Variants in NRG1 observed in about 807,000 individuals in gnomAD.
The protein encoded by NRG1 is neuregulin 1, also known as pro-neuregulin-1, membrane-bound isoform.
A neutral mutation model predicts 63.8 loss-of-function variants in NRG1; 18 were observed. The ratio of observed to expected loss-of-function variants is 0.28; its 90% CI spans 0.19 to 0.42. The LOEUF is 0.42. Among genes scored for constraint, NRG1 ranks in the 10% least tolerant of loss-of-function variants. The probability of loss-of-function intolerance (pLI) is 1.00; values close to 1 mark genes in which losing one functional copy is unlikely to be tolerated. For missense variants in NRG1, 762 were observed against 814.7 expected, an observed-to-expected ratio of 0.94 and a Z score of 0.79; for synonymous variants, 302 against 301.3, an observed-to-expected ratio of 1.00 and a Z score of -0.02.
intron 1 of NRG1, among the ~76,000 whole-genome samples, chr8:31,648,124 CTTTTTTTTTTTTTTT>C (rs36074483): frequency 5.9e-5 from 3 of 51,274 alleles, no homozygotes; most frequent in South Asian, 2.2e-3. Context: ...TTTGACTACT[CTTTTTTTTTTTTTTT>C]TTTTTTTTTT....
In NRG1 at chr8:32,048,940, G is replaced by C. The variant is rs538355075; in HGVS notation, c.37+409509G>C. On this transcript the variant is annotated intron_variant, in intron 1 of 10. Transcript: ENST00000519301. ...TTTTAACCGTTTGGGATGGTTTAAGGGAGGCCAAATGGAAAGCCTAAAAAA... is the reference window on the plus strand; with the variant it reads ...TTTTAACCGTTTGGGATGGTTTAAGCGAGGCCAAATGGAAAGCCTAAAAAA... Among the ~76,000 whole-genome samples the C allele has an allele frequency of 7.9e-5, 12 of 152,034 alleles. 1 individual carries two copies. The South Asian group carries it at 2.5e-3, about 32-fold the overall frequency.
At chr8:32,167,289 C>T (rs1378157015) in intron 1 of NRG1, among the ~76,000 whole-genome samples, 6 of 152,134 alleles carry the variant, frequency 3.9e-5, no homozygotes, top group Non-Finnish European at 8.8e-5. Flanking sequence ...GAAGCCACCT[C>T]CTGTTACGTA....
intron 5 of NRG1, among the ~76,000 whole-genome samples, chr8:32,656,792 A>G (rs930643152): frequency 1.3e-5 from 2 of 152,200 alleles, no homozygotes; most frequent in Non-Finnish European, 2.9e-5. Context: ...TTCTGACTGT[A>G]CAATGGAAAT....
intron 5 of NRG1, among the ~76,000 whole-genome samples, chr8:32,708,993 A>G (rs1481388862): frequency 6.6e-6 from 1 of 152,166 alleles, no homozygotes; most frequent in Non-Finnish European, 1.5e-5. Context: ...AAGTAATTTA[A>G]ATTATTGCCT....
intron 1 of NRG1, among the ~76,000 whole-genome samples, chr8:32,396,605 C>T (rs1424301495): frequency 6.6e-6 from 1 of 151,960 alleles, no homozygotes; most frequent in Non-Finnish European, 1.5e-5. Context: ...CCAGCCACCA[C>T]ACCCGGTTCA....
chr8:32,373,609 T>C (rs1809215824), intron 1 of NRG1, among the ~76,000 whole-genome samples: 1 of 152,054 alleles, frequency 6.6e-6, no homozygotes, highest in African/African-American at 2.4e-5. Flanking sequence ...AAACCCTATC[T>C]CTACTAAAAA....
At chr8:32,384,884 A>G (rs2129483566) in intron 1 of NRG1, among the ~76,000 whole-genome samples, 1 of 152,360 alleles carries the variant, frequency 6.6e-6, no homozygotes, top group African/African-American at 2.4e-5. Flanking sequence ...GTTACAGTAG[A>G]TAACAATAGC....
chr8:32,608,407 C>A (rs926276740), intron 3 of NRG1, among the ~76,000 whole-genome samples: 1 of 151,932 alleles, frequency 6.6e-6, no homozygotes, highest in Non-Finnish European at 1.5e-5. Flanking sequence ...CTAGGTTCAA[C>A]TATGTTGCCC....
At chr8:31,791,145 G>C (rs959971023) in intron 1 of NRG1, among the ~76,000 whole-genome samples, 7 of 150,770 alleles carry the variant, frequency 4.6e-5, no homozygotes, top group African/African-American at 1.7e-4. Context: ...GGAGGTGGAG[G>C]TTGCAGTGAG....
Position 32,091,557 on chromosome 8 carries a change from C to G in NRG1, c.37+452126C>G, listed in dbSNP as rs79713068. ...ATTGGTAGCCACACATGCCCACAGG[C>G]TGGTATGCCAGGCTTTGTTTTTCTC... On this transcript the variant is annotated intron_variant, in intron 1 of 10. Coordinates refer to the NRG1 transcript ENST00000519301. 3.1e-3 allele frequency among the ~76,000 whole-genome samples: 479 copies of G among 152,312 alleles called. 3 individuals are homozygous for G. The highest frequency in any genetic ancestry group is 5.7e-3 in the Non-Finnish European group (390 of 68,034).
intron 1 of NRG1, among the ~76,000 whole-genome samples, chr8:32,252,805 T>C (rs1347273044): frequency 1.3e-5 from 2 of 152,236 alleles, no homozygotes; most frequent in Non-Finnish European, 2.9e-5. Flanking sequence ...ATTTTCATGA[T>C]ATTGATTCTT....
intron 1 of NRG1, among the ~76,000 whole-genome samples, chr8:31,803,380 G>A (rs1821976851): frequency 6.6e-6 from 1 of 152,172 alleles, no homozygotes; most frequent in Non-Finnish European, 1.5e-5. Flanking sequence ...CCGACAGAGA[G>A]CTGGTAGTGG....
intron 1 of NRG1, among the ~76,000 whole-genome samples, chr8:31,987,467 T>C (rs1404363829): frequency 1.3e-5 from 2 of 151,688 alleles, no homozygotes; most frequent in Non-Finnish European, 2.9e-5. Context: ...CTGGAGGCCA[T>C]TACCCTCAGT....
At chr8:31,957,735 T>C (rs918318174) in intron 1 of NRG1, among the ~76,000 whole-genome samples, 1 of 152,220 alleles carries the variant, frequency 6.6e-6, no homozygotes, top group African/African-American at 2.4e-5. Context: ...CACATTTGTC[T>C]AGTGGCTCCT....
rs181547406 is a variant in NRG1, at chr8:32,161,649, C to T, written c.38-434179C>T. Among the ~76,000 whole-genome samples, 101 of 151,912 alleles carry T rather than the reference C, an allele frequency of 6.6e-4. 1 individual carries two copies. Among genetic ancestry groups the T allele is most frequent in the South Asian group, 1.3e-3 (6 of 4,794 alleles). Reference sequence around the variant, plus strand: ...CCCTCCCAATCTCAGTGTTTTAATGCAACAAACAGTTGTATCTTGTTGGTA... The same window carrying T: ...CCCTCCCAATCTCAGTGTTTTAATGTAACAAACAGTTGTATCTTGTTGGTA... On this transcript the variant is annotated intron_variant, in intron 1 of 10. Transcript: ENST00000519301.
At chr8:32,534,501 AC>A (rs1242486169) in intron 1 of NRG1, among the ~76,000 whole-genome samples, 1 of 152,190 alleles carries the variant, frequency 6.6e-6, no homozygotes, top group Non-Finnish European at 1.5e-5. Flanking sequence ...TATTAATTTC[AC>A]AGTAACTCCA....
intron 3 of NRG1, among the ~76,000 whole-genome samples, chr8:32,609,996 T>C: frequency 6.6e-6 from 1 of 151,744 alleles, no homozygotes; most frequent in East Asian, 1.9e-4. Context: ...CATTGTGGAT[T>C]CTAGAAAAAA....
intron 1 of NRG1, among the ~76,000 whole-genome samples, chr8:32,006,748 C>A (rs1813841438): frequency 1.3e-5 from 2 of 152,012 alleles, no homozygotes; most frequent in South Asian, 4.1e-4. Flanking sequence ...TGCCAACAAC[C>A]TGAATGATCT....
At chr8:32,040,731 T>TTTAGGCGC (rs1563713224) in intron 1 of NRG1, among the ~76,000 whole-genome samples, 1,187 of 46,474 alleles carry the variant, frequency 0.026, 47 homozygotes, top group Middle Eastern at 0.067. Flanking sequence ...TATATATATA[T>TTTAGGCGC]ATATATGAAA....
Sources: allele counts gnomAD v4.1 joint callset (sites outside exome capture counted in the v4.1 genomes callset), GRCh38; gene constraint gnomAD v4.1.1; transcripts MANE v1.5; gene names NCBI Gene and HGNC (gene_info 2026-07-23, HGNC 2026-07-21).